Variants in EYS observed in about 807,000 individuals in gnomAD.
The protein encoded by EYS is EGF-like photoreceptor maintenance factor, also known as protein eyes shut homolog.
Under a neutral mutation model 282.1 loss-of-function variants are expected in EYS, and 250 were observed. That is an observed-to-expected ratio of 0.89 (90% CI 0.80 to 0.98). EYS has a LOEUF of 0.98. Among genes scored for constraint, EYS ranks in the 50% least tolerant of loss-of-function variants. The probability of loss-of-function intolerance (pLI) is 0.00; values close to 1 mark genes in which losing one functional copy is unlikely to be tolerated. For synonymous variants in EYS, 1,355 were observed against 1,282.9 expected (o/e 1.06, Z -1.20); for missense variants, 4,016 against 3,709.0 (o/e 1.08, Z -2.15).
chr6:63,839,758 C>T lies in EYS; in HGVS notation c.7228+24428G>A, dbSNP rs190461049. On this transcript the variant is annotated intron_variant, in intron 36 of 42. Transcript: ENST00000503581. ...ACCCAGCAGTGGAACTGTTGAATCACATGGCAGTTCTATTTTTAGTTTTTT... is the reference window on the plus strand; with the variant it reads ...ACCCAGCAGTGGAACTGTTGAATCATATGGCAGTTCTATTTTTAGTTTTTT... Among the ~76,000 whole-genome samples the T allele has an allele frequency of 4.6e-5, 7 of 152,270 alleles. No individual in the cohort carries two copies. The East Asian group carries it at 1.4e-3, about 29-fold the overall frequency.
chr6:64,457,627 C>T (rs1424868533), intron 26 of EYS, among the ~76,000 whole-genome samples: 4 of 151,910 alleles, frequency 2.6e-5, no homozygotes, highest in African/African-American at 7.2e-5. Context: ...GTCTTTTTAA[C>T]GTCATTTTTG....
chr6:64,497,452 T>C (rs2150509672), intron 26 of EYS, among the ~76,000 whole-genome samples: 1 of 152,232 alleles, frequency 6.6e-6, no homozygotes, highest in Middle Eastern at 3.4e-3. Context: ...TAAATGAACA[T>C]GAGCCCAGAA....
chr6:64,552,744 C>A lies in EYS; in HGVS notation c.5644+37479G>T, dbSNP rs371032839. Among the ~76,000 whole-genome samples the A allele has an allele frequency of 8.6e-5, 13 of 150,422 alleles. No homozygotes were observed. The East Asian group carries it at 9.8e-4, about 11-fold the overall frequency. On this transcript the variant is annotated intron_variant, in intron 26 of 42. Coordinates refer to ENST00000503581, the MANE Select transcript of EYS (RefSeq NM_001142800.2). ...CCTGGCCAACATGGTGAACCCCCCC[C>A]ACCATCTCTACTAAACATAAAAAAA...
chr6:64,048,914 C>T (rs1012630744), intron 33 of EYS, among the ~76,000 whole-genome samples: 3 of 151,960 alleles, frequency 2.0e-5, no homozygotes, highest in African/African-American at 7.3e-5. Context: ...TTTTCCCCCC[C>T]TAGATGTTTG....
intron 26 of EYS, among the ~76,000 whole-genome samples, chr6:64,480,373 C>A (rs1369051683): frequency 1.3e-5 from 2 of 151,792 alleles, no homozygotes; most frequent in Non-Finnish European, 2.9e-5. Flanking sequence ...AGATGTGCTA[C>A]CAAATTTTAT....
chr6:65,332,790 A>T (rs1769843620), intron 11 of EYS, among the ~76,000 whole-genome samples: 1 of 151,298 alleles, frequency 6.6e-6, no homozygotes, highest in Non-Finnish European at 1.5e-5. Flanking sequence ...AATTTTTGTT[A>T]GTTTGTTTAA....
At chr6:65,019,763 A>C (rs989609802) in intron 13 of EYS, among the ~76,000 whole-genome samples, 13 of 152,160 alleles carry the variant, frequency 8.5e-5, no homozygotes, top group African/African-American at 3.1e-4. Context: ...CATTCTCATG[A>C]GGCCAATAAA....
intron 8 of EYS, among the ~76,000 whole-genome samples, chr6:65,361,356 A>C (rs1764698244): frequency 1.2e-5 from 1 of 85,020 alleles, no homozygotes; most frequent in Non-Finnish European, 2.6e-5. Context: ...TAAAACTTAA[A>C]GTATAATAAA....
intron 28 of EYS, among the ~76,000 whole-genome samples, chr6:64,425,488 C>A (rs9444813): frequency 6.6e-6 from 1 of 151,828 alleles, no homozygotes; most frequent in Admixed American, 6.6e-5. Context: ...AACCCTGTCT[C>A]TACTAAAAAT....
Position 65,263,478 on chromosome 6 carries a change from T to C in EYS, c.2023+32385A>G, listed in dbSNP as rs569963737. On this transcript the variant is annotated intron_variant, in intron 12 of 42. Transcript: ENST00000503581. ...TGTTATTACCCTTTACATAAAGAAA[T>C]AGCTCTTCCAAAATTCCAGAAAATT... 1.4e-4 allele frequency among the ~76,000 whole-genome samples: 22 copies of C among 152,126 alleles called. No individual in the cohort carries two copies. The South Asian group carries it at 4.6e-3, about 32-fold the overall frequency.
chr6:63,914,325 C>T (rs1184266432), intron 35 of EYS, among the ~76,000 whole-genome samples: 1 of 152,194 alleles, frequency 6.6e-6, no homozygotes, highest in Admixed American at 6.5e-5. Context: ...AGGTAGAAAG[C>T]TAGGCCTCTT....
At chr6:64,848,404 A>C (rs1765780786) in intron 19 of EYS, among the ~76,000 whole-genome samples, 1 of 152,104 alleles carries the variant, frequency 6.6e-6, no homozygotes, top group Non-Finnish European at 1.5e-5. Context: ...TCATGCAGAA[A>C]TTTGAAAAAA....
At chr6:65,365,307 G>A (rs1764873275) in intron 8 of EYS, among the ~76,000 whole-genome samples, 1 of 151,582 alleles carries the variant, frequency 6.6e-6, no homozygotes, top group African/African-American at 2.4e-5. Context: ...CCATCTGCCT[G>A]CCTTCTTACG....
At position 64,678,880 on chromosome 6, in the gene EYS, G is replaced by A. The variant is rs553724841; in HGVS notation, c.3444-52635C>T. Among the ~76,000 whole-genome samples the A allele has an allele frequency of 5.3e-5, 8 of 151,766 alleles. No individual in the cohort carries two copies. In the South Asian group the frequency reaches 1.0e-3, roughly 20 times the overall value. The stretch of plus-strand genomic sequence containing the variant: ...TAGGCGCCTGTAATCCCAGCTGCTC[G>A]GGAGGCTGAGGCAGAAGGATCCCTA... On this transcript the variant is annotated intron_variant, in intron 22 of 42. Coordinates refer to ENST00000503581, the MANE Select transcript of EYS (RefSeq NM_001142800.2).
At chr6:64,876,338 C>T (rs1428521660) in intron 19 of EYS, among the ~76,000 whole-genome samples, 1 of 151,824 alleles carries the variant, frequency 6.6e-6, no homozygotes, top group African/African-American at 2.4e-5. Context: ...TTATTGGCAG[C>T]ATGAGAAGAA....
chr6:64,882,108 G>T (rs1766943067), intron 19 of EYS, among the ~76,000 whole-genome samples: 1 of 151,680 alleles, frequency 6.6e-6, no homozygotes. Context: ...AGTAAGCAAA[G>T]CCCATGGAAG....
intron 1 of EYS, among the ~76,000 whole-genome samples, chr6:65,677,105 G>GAAAA (rs58880200): frequency 2.7e-4 from 29 of 107,656 alleles, no homozygotes; most frequent in African/African-American, 6.0e-4. Flanking sequence ...AGTCATTGGT[G>GAAAA]AAAAAAAAAA....
rs561280800 is a variant in EYS, at chr6:64,455,101, A to G, written c.5645-15749T>C. ...TATTTATTTGTGTGTGTGTGGAGAC[A>G]GGATCTCGCTATGTTACCCAGGCTG... On this transcript the variant is annotated intron_variant, in intron 26 of 42. Transcript: ENST00000503581. Among the ~76,000 whole-genome samples the G allele has an allele frequency of 5.9e-5, 9 of 152,240 alleles. No individual in the cohort carries two copies. The East Asian group carries it at 1.7e-3, about 29-fold the overall frequency.
intron 22 of EYS, among the ~76,000 whole-genome samples, chr6:64,667,245 G>A (rs983580436): frequency 6.7e-6 from 1 of 150,034 alleles, no homozygotes; most frequent in African/African-American, 2.4e-5. Context: ...ATCATTTATT[G>A]GTATCTAAGT....
Sources: allele counts gnomAD v4.1 joint callset (sites outside exome capture counted in the v4.1 genomes callset), GRCh38; gene constraint gnomAD v4.1.1; transcripts MANE v1.5; gene names NCBI Gene and HGNC (gene_info 2026-07-23, HGNC 2026-07-21).